GIGYF2: variants seen among roughly 807,000 people sequenced by gnomAD.
GIGYF2 encodes GRB10 interacting GYF protein 2.
Under a neutral mutation model 208.1 loss-of-function variants are expected in GIGYF2, and 25 were observed. The observed-to-expected ratio is 0.12, with a 90% CI of 0.09 to 0.17. GIGYF2 has a LOEUF of 0.17. GIGYF2 is among the 10% of genes least tolerant of loss of function. GIGYF2 has a pLI of 1.00. For synonymous variants in GIGYF2, 534 were observed against 543.8 expected, an observed-to-expected ratio of 0.98 and a Z score of 0.25; for missense variants, 1,302 against 1,579.4, an observed-to-expected ratio of 0.82 and a Z score of 2.98.
intron 2 of GIGYF2, chr2:232,724,555 AT>A (rs559090430): frequency 4.1e-5 from 6 of 147,476 alleles, no homozygotes; most frequent in Admixed American, 1.4e-4. Flanking sequence ...TATCTGAAAC[AT>A]TTTTTTTTTC....
chr2:232,776,640 C>G, intron 8 of GIGYF2: 1 of 607,020 alleles, frequency 1.6e-6, no homozygotes, highest in Non-Finnish European at 3.0e-6. Context: ...TGATTGGTCA[C>G]TTAGCCTGCA....
chr2:232,708,367 A>G (rs537082376), intron 2 of GIGYF2, among the ~76,000 whole-genome samples: 1 of 152,174 alleles, frequency 6.6e-6, no homozygotes, highest in Non-Finnish European at 1.5e-5. Context: ...ACGGGTTGGG[A>G]GTTTGGGGAC....
intron 3 of GIGYF2, among the ~76,000 whole-genome samples, chr2:232,739,448 G>C (rs777088625): frequency 8.9e-4 from 134 of 150,160 alleles, no homozygotes; most frequent in Admixed American, 2.4e-3. Flanking sequence ...AGAGGCATGA[G>C]GATCACTTGA....
At chr2:232,723,648 C>G (rs1034926061) in intron 2 of GIGYF2, among the ~76,000 whole-genome samples, 1 of 148,824 alleles carries the variant, frequency 6.7e-6, no homozygotes, top group African/African-American at 2.5e-5. Context: ...CCAGGCTGGT[C>G]TTGAACGCCT....
intron 2 of GIGYF2, among the ~76,000 whole-genome samples, chr2:232,708,609 T>G (rs1574770355): frequency 1.4e-5 from 2 of 147,824 alleles, no homozygotes. Flanking sequence ...CTGAGGCAGG[T>G]GAATTGCTTG....
In GIGYF2 at chr2:232,749,062, C is replaced by A; in HGVS notation, c.247C>A (p.Pro83Thr). The change falls in exon 5 of 29, where the codon CCC (proline) becomes ACC (threonine). Residue 83 changes from proline (P) to threonine (T), a missense_variant. Physicochemically the swap from Pro to Thr is conservative, Grantham distance 38. Transcript: ENST00000373563. ...EEPLPPLALV[P>T]FTEEEQRNFS... is the part of the protein sequence containing the mutation. ...ACCCCTTCCACCATTGGCTCTGGTA[C>A]CCTTTACAGAAGAAGAACAGGTTTG... 1 of 1,580,394 alleles carries A rather than the reference C, an allele frequency of 6.3e-7. No homozygotes were observed. The highest frequency in any genetic ancestry group is 8.7e-7 in the Non-Finnish European group (1 of 1,149,292).
intron 1 of GIGYF2, among the ~76,000 whole-genome samples, chr2:232,701,810 A>C (rs542507151): frequency 6.6e-6 from 1 of 152,138 alleles, no homozygotes; most frequent in Admixed American, 6.6e-5. Context: ...AGGTCATCCA[A>C]CTTTACCCAC....
intron 16 of GIGYF2, chr2:232,810,920 G>A (rs1334682231): frequency 1.5e-5 from 4 of 268,456 alleles, no homozygotes; most frequent in Middle Eastern, 1.3e-3. Flanking sequence ...CTGATAAAAG[G>A]TTATCTTTGG....
At chr2:232,754,101 G>A (rs1698437892) in intron 5 of GIGYF2, among the ~76,000 whole-genome samples, 1 of 151,840 alleles carries the variant, frequency 6.6e-6, no homozygotes, top group South Asian at 2.1e-4. Flanking sequence ...GAAGGCGGAG[G>A]TTGCAGTGAG....
chr2:232,819,988 G>T lies in GIGYF2; in HGVS notation c.2529+3G>T. 6.2e-7 allele frequency: 1 copy of T among 1,613,174 alleles called. No homozygotes were observed. The highest frequency in any genetic ancestry group is 1.1e-5 in the South Asian group (1 of 91,050). On this transcript the variant is annotated splice_donor_region_variant and intron_variant, in intron 21 of 28. Coordinates refer to ENST00000373563, the MANE Select transcript of GIGYF2 (RefSeq NM_001103146.3). ...AGGAAGAATTGTTACGCAAACAGGT[G>T]ACCAGATGGTTTTGTCTTCTAATTG... is the stretch of plus-strand genomic sequence containing the variant.
intron 22 of GIGYF2, among the ~76,000 whole-genome samples, chr2:232,836,085 C>A (rs112303736): frequency 6.4e-4 from 96 of 150,786 alleles, no homozygotes; most frequent in African/African-American, 2.1e-3. Flanking sequence ...AACGCTGCAG[C>A]TGCACATGCT....
At chr2:232,756,134 G>A in intron 5 of GIGYF2, 89 bp from the exon 6 acceptor site, 1 of 742,048 alleles carries the variant, frequency 1.3e-6, no homozygotes, top group Non-Finnish European at 2.2e-6. Context: ...AGGAATGTGG[G>A]GAGAAGCAAC....
chr2:232,763,746 G>A (rs1313864730), intron 8 of GIGYF2, among the ~76,000 whole-genome samples: 1 of 151,954 alleles, frequency 6.6e-6, no homozygotes. Context: ...CAGGGGAATC[G>A]CTTGAACCCG....
chr2:232,812,868 G>T (rs1700776803), intron 18 of GIGYF2, among the ~76,000 whole-genome samples: 1 of 152,116 alleles, frequency 6.6e-6, no homozygotes, highest in African/African-American at 2.4e-5. Flanking sequence ...AGGCATGGTG[G>T]TGTGTGCCTG....
chr2:232,737,020 GT>G (rs1480063124), intron 3 of GIGYF2, among the ~76,000 whole-genome samples: 3 of 152,184 alleles, frequency 2.0e-5, no homozygotes, highest in African/African-American at 7.2e-5. Context: ...GGACTGTAAA[GT>G]TTTTGTAAGT....
intron 15 of GIGYF2, 107 bp from the exon 16 acceptor site, chr2:232,809,613 G>GTTA: frequency 1.3e-6 from 1 of 749,882 alleles, no homozygotes; most frequent in South Asian, 1.4e-5. Flanking sequence ...AGAGCTGGGA[G>GTTA]GTAAAGGTCT....
chr2:232,807,068 C>T lies in GIGYF2; in HGVS notation c.1806+411C>T, dbSNP rs138011768. 8.7e-3 allele frequency among the ~76,000 whole-genome samples: 1,327 copies of T among 152,316 alleles called. 35 individuals are homozygous for T. Among genetic ancestry groups the T allele is most frequent in the Admixed American group, 0.054 (831 of 15,298 alleles). ...ACCTCTTTGACTTTCTTTGCTTCCT[C>T]TAGTTAGAATAAACATTCCCCTCTC... is the stretch of plus-strand genomic sequence containing the variant. On this transcript the variant is annotated intron_variant, in intron 15 of 28. Transcript: ENST00000373563.
intron 2 of GIGYF2, among the ~76,000 whole-genome samples, chr2:232,706,552 C>T (rs1008330439): frequency 6.6e-6 from 1 of 151,994 alleles, no homozygotes; most frequent in Non-Finnish European, 1.5e-5. Context: ...CTGAGGCAGG[C>T]GGATCACTTG....
chr2:232,823,022 C>G (rs1014803393), intron 21 of GIGYF2, among the ~76,000 whole-genome samples: 9 of 152,072 alleles, frequency 5.9e-5, no homozygotes, highest in African/African-American at 2.2e-4. Flanking sequence ...AAGTTTCTTT[C>G]CAGTCCTAGT....
Sources: gnomAD v4.1 joint callset for allele counts (sites outside exome capture counted in the v4.1 genomes callset) on GRCh38, gnomAD v4.1.1 for gene constraint, MANE v1.5 for transcripts, NCBI Gene and HGNC (gene_info 2026-07-23, HGNC 2026-07-21) for gene names.